PNMA8B: variants seen among roughly 807,000 people sequenced by gnomAD.
PNMA8B encodes paraneoplastic antigen-like protein 8B.
For synonymous variants in PNMA8B, 386 were observed against 394.9 expected (o/e 0.98, Z 0.27); for missense variants, 887 against 885.8 (o/e 1.00, Z -0.02).
rs1169301745 is a variant in PNMA8B at position 46,494,437 on chromosome 19, G to C, written c.1029C>G (p.Asp343Glu). ...TCAACATCTCCTCCCGGGCCCAGGG[G>C]TCCGACGGGTCGGTATAGGCCACAA... The part of the protein sequence containing the change: ...VAIVAYTDPS[D>E]PWAREEMLKI... The change falls in exon 1 of 1, where the codon GAC becomes GAG. Residue 343 changes from aspartate (D) to glutamate (E), a missense_variant. Transcript: ENST00000599531. 1.9e-6 allele frequency: 3 copies of C among 1,613,970 alleles called. No individual in the cohort carries two copies. Among genetic ancestry groups the C allele is most frequent in the Non-Finnish European group, 2.5e-6 (3 of 1,179,914 alleles).
Position 46,495,360 on chromosome 19 carries a change from C to T in PNMA8B, c.106G>A (p.Glu36Lys). The change falls in exon 1 of 1, where the codon GAA (glutamate) becomes AAA (lysine). Residue 36 changes from glutamate to lysine, a missense_variant. Physicochemically the swap from Glu to Lys is moderately conservative, Grantham distance 56. Transcript: ENST00000599531. Reference sequence around the variant, plus strand: ...AGGAGGGTCGGCTGCAGGACGGCTTCGACGTCTGCCTGCTCCAGGCCCTCC... The same window carrying T: ...AGGAGGGTCGGCTGCAGGACGGCTTTGACGTCTGCCTGCTCCAGGCCCTCC... ...IPEGLEQADV[E>K]AVLQPTLLPL... is the part of the protein sequence containing the mutation. 1 of 1,289,360 alleles carries T rather than the reference C, an allele frequency of 7.8e-7. No individual in the cohort carries two copies. Among genetic ancestry groups the T allele is most frequent in the Non-Finnish European group, 1.1e-6 (1 of 884,472 alleles). 79.9% of individuals were successfully genotyped at this position (1,289,360 alleles called of 1,614,324 possible). A position where few individuals can be genotyped will look rare whatever the true frequency, so the allele number is the denominator to read the frequency against.
At position 46,495,052 on chromosome 19, in the gene PNMA8B, C is replaced by G. The variant is rs764616898; in HGVS notation, c.414G>C (p.Gln138His). ...CCTGCCCTGTTACCTCCCCAGAATC[C>G]TGGGCCTGCGTCTCCGAAGCGGGAG... ...PTPPASETQA[Q>H]DSGEVTGQAG... The change falls in exon 1 of 1, where the codon CAG becomes CAC. Residue 138 changes from glutamine to histidine, a missense_variant. Transcript: ENST00000599531. 4 of 1,611,338 alleles carry G rather than the reference C, an allele frequency of 2.5e-6. No individual in the cohort carries two copies. The South Asian group carries it at 4.4e-5, about 18-fold the overall frequency.
At position 46,493,318 on chromosome 19, in the gene PNMA8B, G is replaced by T; in HGVS notation, c.*240C>A. ...CATCTCGGCCCTGCGCTGCTGCCTC[G>T]GGCGCCCACTTCTCTTTCCTCCTCC... is the stretch of plus-strand genomic sequence containing the variant. On this transcript the variant is annotated 3_prime_UTR_variant, in exon 1 of 1. Transcript: ENST00000599531. This position sits in a 1 kb window ranked among gnomAD's most constrained non-coding sequence, Gnocchi z 5.3. The T allele has an allele frequency of 2.6e-6, 1 of 388,284 alleles. No homozygotes were observed. Among genetic ancestry groups the T allele is most frequent in the Non-Finnish European group, 4.5e-6 (1 of 220,100 alleles). The allele number at this position is 388,284 out of a possible 1,614,324, so 24.1% of individuals were successfully genotyped here.
rs1457875699 is a variant in PNMA8B at position 46,494,310 on chromosome 19, T to C, written c.1156A>G (p.Thr386Ala). The C allele has an allele frequency of 6.2e-7, 1 of 1,612,674 alleles. No individual in the cohort carries two copies. Among genetic ancestry groups the C allele is most frequent in the Non-Finnish European group, 8.5e-7 (1 of 1,179,782 alleles). ...CCCGCCTCTTCCACCTTCACGCGGG[T>C]CCCGTTAGTGTCCTTGGACATGACG... ...LSVMSKDTNG[T>A]RVKVEEAGRE... is the part of the protein sequence containing the mutation. The change falls in exon 1 of 1, where the codon ACC becomes GCC. Residue 386 changes from threonine (T) to alanine (A), a missense_variant. Physicochemically the swap from Thr to Ala is moderately conservative, Grantham distance 58 (BLOSUM62 0). Transcript: ENST00000599531.
At position 46,495,008 on chromosome 19, in the gene PNMA8B, G is replaced by A; in HGVS notation, c.458C>T (p.Ala153Val). The A allele has an allele frequency of 6.2e-7, 1 of 1,608,876 alleles. No individual in the cohort carries two copies. Among genetic ancestry groups the A allele is most frequent in the Non-Finnish European group, 8.5e-7 (1 of 1,179,796 alleles). ...ACGGCCCCTCCTTGGGTTCCTGGCT[G>A]CCCCAAGAAGCGAGCCAGCCTGCCC... ...VTGQAGSLLGAARNPRRGRRG... is the reference protein window; with the variant it reads ...VTGQAGSLLGVARNPRRGRRG... Residue 153 changes from alanine (A) to valine (V), a missense_variant, in exon 1 of 1, where the codon GCA (alanine) becomes GTA (valine). Ala to Val is a moderately conservative substitution (Grantham distance 64, BLOSUM62 0). Transcript: ENST00000599531.
In PNMA8B at chr19:46,494,115, G is replaced by A; in HGVS notation, c.1351C>T (p.Leu451=). Residue 451 remains leucine (L), a synonymous_variant, in exon 1 of 1, where the codon CTG becomes TTG. Transcript: ENST00000599531. ...TCCTGGGCAGCCAGGAGCGCCACCA[G>A]CTCCAGAAGACCCCCTTCGTCCTCA... ...HREDEGGLLE[L]VALLAAQDMA... 1.2e-6 allele frequency: 2 copies of A among 1,612,108 alleles called. No individual in the cohort carries two copies. The highest frequency in any genetic ancestry group is 1.7e-6 in the Non-Finnish European group (2 of 1,179,814).
Position 46,495,554 on chromosome 19 carries a change from A to G in PNMA8B, c.-89T>C, listed in dbSNP as rs1354522712. The G allele has an allele frequency of 2.0e-6, 3 of 1,469,924 alleles. No homozygotes were observed. The African/African-American group carries it at 4.2e-5, about 21-fold the overall frequency. 91.1% of individuals were successfully genotyped at this position (1,469,924 alleles called of 1,614,324 possible). The stretch of plus-strand genomic sequence containing the variant: ...CGCACGGTGTCAATGCAACCCTAGA[A>G]AGCCACTTGCAGGGCTTAGAGTCCC... On this transcript the variant is annotated 5_prime_UTR_variant, in exon 1 of 1. Transcript: ENST00000599531.
Position 46,492,285 on chromosome 19 carries a change from C to A in PNMA8B, c.*1273G>T, listed in dbSNP as rs534595666. On this transcript the variant is annotated 3_prime_UTR_variant, in exon 1 of 1. Transcript: ENST00000599531. ...AAGAAGGCATGAATGAAGGTGGGGT[C>A]CCGTGGAGACTGATATTTAGGTAAA... 6.6e-5 allele frequency: 19 copies of A among 287,164 alleles called. No individual in the cohort carries two copies. The highest frequency in any genetic ancestry group is 1.2e-4 in the Non-Finnish European group (17 of 137,398). The allele number at this position is 287,164 out of a possible 1,614,324, so 17.8% of individuals were successfully genotyped here.
Position 46,495,190 on chromosome 19 carries a change from C to T in PNMA8B, c.276G>A (p.Leu92=). The change falls in exon 1 of 1, where the codon CTG becomes CTA. Residue 92 remains leucine, a synonymous_variant. Transcript: ENST00000599531. ...TCGTGTCCTGCGCACGGTCCTTCCA[C>T]AGAACCCTCCAGACCCCATCCTTGC... ...IPGKDGVWRV[L]WKDRAQDTRV... 5.0e-6 allele frequency: 8 copies of T among 1,613,982 alleles called. No homozygotes were observed. Among genetic ancestry groups the T allele is most frequent in the Non-Finnish European group, 6.8e-6 (8 of 1,179,834 alleles).
Position 46,492,957 on chromosome 19 carries a change from C to CCT in PNMA8B, c.*600_*601insAG, listed in dbSNP as rs2147483568. The CCT allele has an allele frequency of 6.5e-6, 1 of 154,832 alleles. No homozygotes were observed. The highest frequency in any genetic ancestry group is 1.9e-4 in the East Asian group (1 of 5,168). 9.6% of individuals were successfully genotyped at this position (154,832 alleles called of 1,614,324 possible). A position where few individuals can be genotyped will look rare whatever the true frequency, so the allele number is the denominator to read the frequency against. On this transcript the variant is annotated 3_prime_UTR_variant, in exon 1 of 1. Transcript: ENST00000599531. ...TCCTCTTTCCCTTCTCCCACCGTTC[C>CCT]TCTCCCCTTTCCTCCTCCTCCCCTT...
chr19:46,493,850 C>A lies in PNMA8B; in HGVS notation c.1616G>T (p.Arg539Leu), dbSNP rs370168747. 7 of 1,481,374 alleles carry A rather than the reference C, an allele frequency of 4.7e-6. No individual in the cohort carries two copies. The highest frequency in any genetic ancestry group is 6.2e-6 in the Non-Finnish European group (7 of 1,121,384). The allele number at this position is 1,481,374 out of a possible 1,614,324, so 91.8% of individuals were successfully genotyped here. A position where few individuals can be genotyped will look rare whatever the true frequency, so the allele number is the denominator to read the frequency against. Residue 539 changes from arginine (R) to leucine (L), a missense_variant, in exon 1 of 1, where the codon CGC becomes CTC. Coordinates refer to ENST00000599531, the MANE Select transcript of PNMA8B (RefSeq NM_020709.3). The surrounding 1 kb of genome is among the most constrained non-coding windows in gnomAD (Gnocchi z 5.3). ...CGGAGTCAGGCCCCTGGGGGCCGTGCGCGCCCTCTTGGCCCGGGGCTTCCT... is the reference window on the plus strand; with the variant it reads ...CGGAGTCAGGCCCCTGGGGGCCGTGAGCGCCCTCTTGGCCCGGGGCTTCCT... ...ASRKPRAKRA[R>L]TAPRGLTPAG...
At position 46,492,220 on chromosome 19, in the gene PNMA8B, G is replaced by T. The variant is rs1970013362; in HGVS notation, c.*1338C>A. On this transcript the variant is annotated 3_prime_UTR_variant, in exon 1 of 1. Transcript: ENST00000599531. ...GATGGGCTCCTCACTGCCAGGGAAT[G>T]GAAATTGGGACGAGGAAGCACACAC... 1 of 385,210 alleles carries T rather than the reference G, an allele frequency of 2.6e-6. No homozygotes were observed. The highest frequency in any genetic ancestry group is 5.3e-6 in the Non-Finnish European group (1 of 188,342). The allele number at this position is 385,210 out of a possible 1,614,324, so 23.9% of individuals were successfully genotyped here.
rs1970077293 is a variant in PNMA8B at position 46,495,258 on chromosome 19, C to T, written c.208G>A (p.Val70Met). 6.4e-7 allele frequency: 1 copy of T among 1,565,540 alleles called. No homozygotes were observed. Among genetic ancestry groups the T allele is most frequent in the Admixed American group, 1.7e-5 (1 of 59,966 alleles). Reference protein sequence around the residue: ...EKAQAALVEFVEDVNHAAIPR... With the variant: ...EKAQAALVEFMEDVNHAAIPR... Reference sequence around the variant, plus strand: ...ATGGCAGCGTGATTGACGTCCTCCACAAACTCCACCAGGGCGGCCTGGGCC... The same window carrying T: ...ATGGCAGCGTGATTGACGTCCTCCATAAACTCCACCAGGGCGGCCTGGGCC... Residue 70 changes from valine to methionine, a missense_variant, in exon 1 of 1, where the codon GTG becomes ATG. Physicochemically the swap from Val to Met is conservative, Grantham distance 21. Transcript: ENST00000599531.
Position 46,493,961 on chromosome 19 carries a change from C to T in PNMA8B, c.1505G>A (p.Gly502Glu), listed in dbSNP as rs758890399. The T allele has an allele frequency of 6.8e-6, 11 of 1,612,842 alleles. No individual in the cohort carries two copies. Among genetic ancestry groups the T allele is most frequent in the Non-Finnish European group, 9.3e-6 (11 of 1,179,502 alleles). The part of the protein sequence containing the change: ...AARENMGSNE[G>E]SEEASDEQSE... ...CTGTTCGTCCGAAGCCTCCTCCGAC[C>T]CCTCGTTGGACCCCATGTTCTCCCG... is the stretch of plus-strand genomic sequence containing the variant. Residue 502 changes from glycine (G) to glutamate (E), a missense_variant, in exon 1 of 1, where the codon GGG becomes GAG. Transcript: ENST00000599531. The surrounding 1 kb of genome is among the most constrained non-coding windows in gnomAD (Gnocchi z 5.3).
In PNMA8B at chr19:46,493,875, T is replaced by C. The variant is rs778358222; in HGVS notation, c.1591A>G (p.Arg531Gly). The C allele has an allele frequency of 5.9e-6, 9 of 1,535,658 alleles. No homozygotes were observed. The highest frequency in any genetic ancestry group is 7.9e-6 in the Non-Finnish European group (9 of 1,144,286). Residue 531 changes from arginine to glycine, a missense_variant, in exon 1 of 1, where the codon AGG becomes GGG. Coordinates refer to ENST00000599531, the MANE Select transcript of PNMA8B (RefSeq NM_020709.3). This position sits in a 1 kb window ranked among gnomAD's most constrained non-coding sequence, Gnocchi z 5.3. Reference sequence around the variant, plus strand: ...CGCGCCCTCTTGGCCCGGGGCTTCCTGGATGCCCTGTCCTCCGGCTCCGAC... The same window carrying C: ...CGCGCCCTCTTGGCCCGGGGCTTCCCGGATGCCCTGTCCTCCGGCTCCGAC... ...EASEPEDRAS[R>G]KPRAKRARTA...
chr19:46,494,954 T>A lies in PNMA8B; in HGVS notation c.512A>T (p.Asn171Ile). 1 of 1,609,732 alleles carries A rather than the reference T, an allele frequency of 6.2e-7. No homozygotes were observed. Among genetic ancestry groups the A allele is most frequent in the Non-Finnish European group, 8.5e-7 (1 of 1,179,820 alleles). Residue 171 changes from asparagine to isoleucine, a missense_variant, in exon 1 of 1, where the codon AAC becomes ATC. Coordinates refer to ENST00000599531, the MANE Select transcript of PNMA8B (RefSeq NM_020709.3). ...RRGRRNRTRR[N>I]RLTQKGKKRS... Reference sequence around the variant, plus strand: ...CTTCTTGCCCTTCTGGGTCAACCTGTTGCGTCTGGTTCTGTTTCTGCGACC... The same window carrying A: ...CTTCTTGCCCTTCTGGGTCAACCTGATGCGTCTGGTTCTGTTTCTGCGACC...
In PNMA8B at chr19:46,495,072, C is replaced by A. The variant is rs781577305; in HGVS notation, c.394G>T (p.Ala132Ser). ...GTPGEAPTPP[A>S]SETQAQDSGE... ...GAATCCTGGGCCTGCGTCTCCGAAG[C>A]GGGAGGGGTGGGTGCCTCCCCGGGG... The change falls in exon 1 of 1, where the codon GCT becomes TCT. Residue 132 changes from alanine to serine, a missense_variant. Transcript: ENST00000599531. 12 of 1,612,192 alleles carry A rather than the reference C, an allele frequency of 7.4e-6. 1 individual carries two copies. The Admixed American group carries it at 2.0e-4, about 27-fold the overall frequency.
In PNMA8B at chr19:46,495,210, C is replaced by A. The variant is rs765919282; in HGVS notation, c.256G>T (p.Asp86Tyr). The A allele has an allele frequency of 1.1e-5, 18 of 1,612,978 alleles. No individual in the cohort carries two copies. Among genetic ancestry groups the A allele is most frequent in the Middle Eastern group, 1.6e-4 (1 of 6,084 alleles). ...AAIPREIPGK[D>Y]GVWRVLWKDR... ...TTCCACAGAACCCTCCAGACCCCAT[C>A]CTTGCCTGGGATCTCCCTGGGAATG... The change falls in exon 1 of 1, where the codon GAT (aspartate) becomes TAT (tyrosine). Residue 86 changes from aspartate (D) to tyrosine (Y), a missense_variant. Physicochemically the swap from Asp to Tyr is radical, Grantham distance 160 (BLOSUM62 -3). Transcript: ENST00000599531.
At position 46,495,531 on chromosome 19, in the gene PNMA8B, C is replaced by A; in HGVS notation, c.-66G>T. 2.0e-6 allele frequency: 3 copies of A among 1,518,724 alleles called. No homozygotes were observed. Among genetic ancestry groups the A allele is most frequent in the Non-Finnish European group, 1.8e-6 (2 of 1,131,962 alleles). The allele number at this position is 1,518,724 out of a possible 1,614,324, so 94.1% of individuals were successfully genotyped here. A position where few individuals can be genotyped will look rare whatever the true frequency, so the allele number is the denominator to read the frequency against. On this transcript the variant is annotated 5_prime_UTR_variant, in exon 1 of 1. Transcript: ENST00000599531. ...CCCGAGATAGGGGTGGGCTGCAGCG[C>A]ACGGTGTCAATGCAACCCTAGAAAG...
Sources: gnomAD v4.1 joint callset for allele counts on GRCh38, gnomAD v4.1.1 for gene constraint, Gnocchi (gnomAD v3.1) non-coding constraint, MANE v1.5 for transcripts, NCBI Gene and HGNC (gene_info 2026-07-23, HGNC 2026-07-21) for gene names.